The following PHF3 variants were observed in gnomAD, a reference collection of about 807,000 sequenced individuals.
The protein encoded by PHF3 is PHD finger protein 3.
In PHF3, 41 loss-of-function variants were observed where a neutral mutation model predicts 178.4. That is an observed-to-expected ratio of 0.23 (90% CI 0.18 to 0.30). PHF3 has a LOEUF of 0.30. Among genes scored for constraint, PHF3 ranks in the 10% least tolerant of loss-of-function variants. The probability of loss-of-function intolerance (pLI) is 1.00; values close to 1 mark genes in which losing one functional copy is unlikely to be tolerated. For synonymous variants in PHF3, 842 were observed against 800.5 expected (o/e 1.05, Z -0.88); for missense variants, 2,346 against 2,398.1 (o/e 0.98, Z 0.45).
Position 63,721,082 on chromosome 6 carries a change from G to A in PHF3, c.*7374G>A, listed in dbSNP as rs1768364461. ...CTGTTTTAGTGGTACTGAAATTTAAGGATATAGTAGTGAACTGGAGGTTTC... is the reference window on the plus strand; with the variant it reads ...CTGTTTTAGTGGTACTGAAATTTAAAGATATAGTAGTGAACTGGAGGTTTC... On this transcript the variant is annotated 3_prime_UTR_variant, in exon 16 of 16. Coordinates refer to ENST00000262043, the MANE Select transcript of PHF3 (RefSeq NM_001370348.2). The A allele has an allele frequency of 6.4e-7, 1 of 1,551,214 alleles. No individual in the cohort carries two copies. Among genetic ancestry groups the A allele is most frequent in the Admixed American group, 2.0e-5 (1 of 50,962 alleles).
At position 63,698,323 on chromosome 6, in the gene PHF3, C is replaced by T; in HGVS notation, c.2781C>T (p.Ile927=). 6.2e-7 allele frequency: 1 copy of T among 1,612,664 alleles called. No individual in the cohort carries two copies. Among genetic ancestry groups the T allele is most frequent in the African/African-American group, 1.3e-5 (1 of 75,010 alleles). ...CTTCCAAGCCTTCTGCAGATCAGAT[C>T]AGGCAAAGTGTCAGACATTCTCTCA... ...ASASKPSADQ[I]RQSVRHSLKD... is the part of the protein sequence containing the mutation. The change falls in exon 7 of 16, where the codon ATC becomes ATT. Residue 927 remains isoleucine (I), a synonymous_variant. Coordinates refer to ENST00000262043, the MANE Select transcript of PHF3 (RefSeq NM_001370348.2).
At chr6:63,703,299 T>A (rs960790722) in intron 10 of PHF3, among the ~76,000 whole-genome samples, 7 of 152,194 alleles carry the variant, frequency 4.6e-5, no homozygotes, top group African/African-American at 1.7e-4. Context: ...ATTTGAAATC[T>A]TACTAGAAGG....
intron 2 of PHF3, among the ~76,000 whole-genome samples, chr6:63,655,020 A>G (rs1043916882): frequency 6.7e-5 from 10 of 149,172 alleles, no homozygotes; most frequent in African/African-American, 2.5e-4. Flanking sequence ...CAGCCTGCCT[A>G]GTTGTTGGGA....
intron 8 of PHF3, among the ~76,000 whole-genome samples, chr6:63,699,727 AT>A (rs1289858063): frequency 6.6e-6 from 1 of 152,026 alleles, no homozygotes; most frequent in Admixed American, 6.6e-5. Flanking sequence ...AGTAGCTGGG[AT>A]TACAGGCACA....
chr6:63,646,349 A>G (rs1764784482), intron 1 of PHF3, among the ~76,000 whole-genome samples, 178 bp from the exon 2 acceptor site: 1 of 152,150 alleles, frequency 6.6e-6, no homozygotes, highest in Non-Finnish European at 1.5e-5. Context: ...TTTAGTAAAG[A>G]TTCGTTCTAC....
Position 63,698,540 on chromosome 6 carries a change from A to C in PHF3, c.2917A>C (p.Thr973Pro). The C allele has an allele frequency of 6.3e-7, 1 of 1,599,350 alleles. No homozygotes were observed. Among genetic ancestry groups the C allele is most frequent in the South Asian group, 1.1e-5 (1 of 87,338 alleles). ...AGAGCTTTTCTCTTTTTTTCGGGAC[A>C]CAGATGCTAAATATAAGAACAAATA... is the stretch of plus-strand genomic sequence containing the variant. Reference protein sequence around the residue: ...EKELFSFFRDTDAKYKNKYRS... With the variant: ...EKELFSFFRDPDAKYKNKYRS... Residue 973 changes from threonine (T) to proline (P), a missense_variant, in exon 8 of 16, where the codon ACA becomes CCA. Coordinates refer to ENST00000262043, the MANE Select transcript of PHF3 (RefSeq NM_001370348.2).
chr6:63,654,231 G>A (rs1029088925), intron 2 of PHF3, among the ~76,000 whole-genome samples: 1 of 152,156 alleles, frequency 6.6e-6, no homozygotes, highest in African/African-American at 2.4e-5. Flanking sequence ...CTGCAGTGAA[G>A]ACTGGGTCCT....
chr6:63,636,229 C>G (rs895596963), intron 1 of PHF3, 79 bp downstream of exon 1: 1 of 331,958 alleles, frequency 3.0e-6, no homozygotes, highest in Non-Finnish European at 5.4e-6. Context: ...CACAGCGCCT[C>G]CGCGGGCCTC....
intron 15 of PHF3, 26 bp downstream of exon 15, chr6:63,711,388 TA>T: frequency 6.5e-7 from 1 of 1,549,926 alleles, no homozygotes; most frequent in Non-Finnish European, 8.8e-7. Flanking sequence ...AATAATAGGA[TA>T]AGAATGAAAT....
intron 3 of PHF3, among the ~76,000 whole-genome samples, chr6:63,683,470 T>C (rs1259030777): frequency 2.0e-5 from 3 of 152,120 alleles, no homozygotes; most frequent in African/African-American, 4.8e-5. Flanking sequence ...TTTCATACTT[T>C]CCTTATGATA....
chr6:63,702,142 A>C (rs537769152), intron 9 of PHF3, among the ~76,000 whole-genome samples: 54 of 152,332 alleles, frequency 3.5e-4, no homozygotes, highest in Non-Finnish European at 6.3e-4. Context: ...ATTTAAGAGC[A>C]AAATAGTTCC....
rs1356652460 is a variant in PHF3, at chr6:63,724,323, A to G, written c.*10615A>G. Among the ~76,000 whole-genome samples the G allele has an allele frequency of 6.6e-6, 1 of 152,132 alleles. No homozygotes were observed. Among genetic ancestry groups the G allele is most frequent in the Non-Finnish European group, 1.5e-5 (1 of 68,032 alleles). On this transcript the variant is annotated 3_prime_UTR_variant, in exon 16 of 16. Coordinates refer to ENST00000262043, the MANE Select transcript of PHF3 (RefSeq NM_001370348.2). ...GATAAGAGAAACCTTGTAGGACCTA[A>G]TATTTGTGAAGAGACTACAGAATCA...
At chr6:63,686,033 C>T (rs1766688965) in intron 4 of PHF3, 122 bp downstream of exon 4, 1 of 634,554 alleles carries the variant, frequency 1.6e-6, no homozygotes, top group Non-Finnish European at 2.7e-6. Flanking sequence ...TGTGCAAAAA[C>T]AAAAAGCTTC....
In PHF3 at chr6:63,646,513, T is replaced by C; in HGVS notation, c.-25-14T>C. ...AGCTTTATTTCTTATGGTATTTTTT[T>C]TGTCTTTCTATAGGGCTGAAAGACA... On this transcript the variant is annotated splice_polypyrimidine_tract_variant and intron_variant, in intron 1 of 15. Coordinates refer to ENST00000262043, the MANE Select transcript of PHF3 (RefSeq NM_001370348.2). The C allele has an allele frequency of 1.3e-6, 2 of 1,528,494 alleles. No homozygotes were observed. Among genetic ancestry groups the C allele is most frequent in the Non-Finnish European group, 1.8e-6 (2 of 1,132,440 alleles). 94.7% of individuals were successfully genotyped at this position (1,528,494 alleles called of 1,614,324 possible).
intron 2 of PHF3, among the ~76,000 whole-genome samples, chr6:63,671,125 A>T (rs1765898290): frequency 2.0e-5 from 3 of 151,690 alleles, no homozygotes; most frequent in Admixed American, 2.0e-4. Context: ...TTTTAAACCT[A>T]TTCCTGTTTT....
intron 1 of PHF3, among the ~76,000 whole-genome samples, chr6:63,643,649 TAAAG>T (rs1764668048): frequency 2.6e-5 from 4 of 152,202 alleles, no homozygotes; most frequent in Admixed American, 2.6e-4. Flanking sequence ...ACGGTATTGT[TAAAG>T]AAACATAACT....
intron 1 of PHF3, among the ~76,000 whole-genome samples, chr6:63,641,370 G>A (rs1764564042): frequency 6.6e-6 from 1 of 151,894 alleles, no homozygotes; most frequent in Non-Finnish European, 1.5e-5. Context: ...AACTTTTCTT[G>A]AGCGATATTA....
chr6:63,644,638 G>C (rs1237991556), intron 1 of PHF3, among the ~76,000 whole-genome samples: 1 of 151,264 alleles, frequency 6.6e-6, no homozygotes, highest in Non-Finnish European at 1.5e-5. Context: ...GTAAATAAAT[G>C]GAAAAAAAAT....
At chr6:63,636,233 G>A (rs1764324736) in intron 1 of PHF3, 83 bp downstream of exon 1, 2 of 316,804 alleles carry the variant, frequency 6.3e-6, no homozygotes, top group South Asian at 3.2e-4. Flanking sequence ...GCGCCTCCGC[G>A]GGCCTCTCCG....
Sources: gnomAD v4.1 joint callset for allele counts (sites outside exome capture counted in the v4.1 genomes callset) on GRCh38, gnomAD v4.1.1 for gene constraint, MANE v1.5 for transcripts, NCBI Gene and HGNC (gene_info 2026-07-23, HGNC 2026-07-21) for gene names.